RSRC1: variants seen among roughly 807,000 people sequenced by gnomAD.
The protein encoded by RSRC1 is arginine and serine rich coiled-coil 1.
In RSRC1, 39 loss-of-function variants were observed where a neutral mutation model predicts 49.1. The ratio of observed to expected loss-of-function variants is 0.79; its 90% CI spans 0.61 to 1.04. The LOEUF is 1.04. Among genes scored for constraint, RSRC1 ranks in the 50% least tolerant of loss-of-function variants. The pLI is 0.00. For synonymous variants in RSRC1, 143 were observed against 130.8 expected (o/e 1.09, Z -0.63); for missense variants, 388 against 402.4 (o/e 0.96, Z 0.31).
At chr3:158,392,911 A>G (rs2108296500) in intron 6 of RSRC1, among the ~76,000 whole-genome samples, 1 of 152,214 alleles carries the variant, frequency 6.6e-6, no homozygotes, top group South Asian at 2.1e-4. Context: ...ATACTCTAAA[A>G]TTGACCAGTC....
At chr3:158,183,982 G>T (rs567328684) in intron 3 of RSRC1, among the ~76,000 whole-genome samples, 1 of 151,926 alleles carries the variant, frequency 6.6e-6, no homozygotes, top group Non-Finnish European at 1.5e-5. Flanking sequence ...ACTGGGGTGG[G>T]GTTTCGCTTT....
chr3:158,449,498 G>GA (rs1338927255), intron 6 of RSRC1, among the ~76,000 whole-genome samples: 1 of 151,926 alleles, frequency 6.6e-6, no homozygotes, highest in African/African-American at 2.4e-5. Flanking sequence ...CTCCATGAGG[G>GA]AGGATTCTGT....
rs142832602 is a variant in RSRC1, at chr3:158,162,284, G to A, written c.320+38293G>A. On this transcript the variant is annotated intron_variant, in intron 3 of 9. Coordinates refer to ENST00000611884, the MANE Select transcript of RSRC1 (RefSeq NM_001271838.2). ...TGGAGACTAAATGACATCAACTGAC[G>A]CTGTACTGAGCTCTGGAAGTCTTTT... 3.0e-4 allele frequency among the ~76,000 whole-genome samples: 45 copies of A among 152,202 alleles called. 2 individuals are homozygous for A. In the East Asian group the frequency reaches 3.1e-3, roughly 10 times the overall value.
intron 3 of RSRC1, among the ~76,000 whole-genome samples, chr3:158,195,910 A>G (rs1720576208): frequency 6.6e-6 from 1 of 151,862 alleles, no homozygotes. Flanking sequence ...GCCTTGTAGT[A>G]TAGTTTGAAG....
At chr3:158,418,797 A>G (rs141098213) in intron 6 of RSRC1, among the ~76,000 whole-genome samples, 1 of 152,102 alleles carries the variant, frequency 6.6e-6, no homozygotes, top group East Asian at 1.9e-4. Context: ...CTGTAGTGCT[A>G]GAAAATTCTT....
At chr3:158,464,892 G>T (rs562997505) in intron 7 of RSRC1, among the ~76,000 whole-genome samples, 4 of 152,130 alleles carry the variant, frequency 2.6e-5, no homozygotes, top group Non-Finnish European at 5.9e-5. Flanking sequence ...ATACAAACCC[G>T]GGCAGTCAGA....
chr3:158,495,056 C>T (rs1739258872), intron 7 of RSRC1, among the ~76,000 whole-genome samples: 1 of 152,156 alleles, frequency 6.6e-6, no homozygotes, highest in Non-Finnish European at 1.5e-5. Flanking sequence ...CCACCAGCAT[C>T]ACCACAGATG....
intron 3 of RSRC1, among the ~76,000 whole-genome samples, chr3:158,171,346 A>G (rs1330813993): frequency 1.3e-5 from 2 of 152,212 alleles, no homozygotes; most frequent in African/African-American, 2.4e-5. Context: ...GGTACTTAGC[A>G]TACAAATAAG....
In RSRC1 at chr3:158,400,297, A is replaced by G. The variant is rs531553604; in HGVS notation, c.583+45389A>G. On this transcript the variant is annotated intron_variant, in intron 6 of 9. Transcript: ENST00000611884. ...AAACTTCCTGCAGTGCCAGTTGTAT[A>G]TAAATATAGCACATATAATTATAGA... Among the ~76,000 whole-genome samples, 17 of 152,266 alleles carry G rather than the reference A, an allele frequency of 1.1e-4. No homozygotes were observed. In the South Asian group the frequency reaches 2.9e-3, roughly 26 times the overall value.
intron 6 of RSRC1, among the ~76,000 whole-genome samples, chr3:158,363,340 C>G (rs1731583857): frequency 6.6e-6 from 1 of 151,460 alleles, no homozygotes; most frequent in African/African-American, 2.4e-5. Flanking sequence ...CTCGGCTCAC[C>G]ACGTCCTCTG....
chr3:158,480,796 A>T (rs1167184730), intron 7 of RSRC1, among the ~76,000 whole-genome samples: 1 of 152,090 alleles, frequency 6.6e-6, no homozygotes, highest in Admixed American at 6.6e-5. Flanking sequence ...ATTACAGAGC[A>T]TCACTGGCAT....
At chr3:158,515,497 G>C (rs1290997347) in intron 7 of RSRC1, among the ~76,000 whole-genome samples, 3 of 136,806 alleles carry the variant, frequency 2.2e-5, no homozygotes, top group African/African-American at 8.6e-5. Context: ...TCCCTTTGAG[G>C]GTAACCCGAC....
chr3:158,161,475 G>C (rs1718213630), intron 3 of RSRC1, among the ~76,000 whole-genome samples: 1 of 152,066 alleles, frequency 6.6e-6, no homozygotes, highest in Non-Finnish European at 1.5e-5. Flanking sequence ...AATTTTAAAT[G>C]TGTGGGGCAG....
At chr3:158,248,116 C>T (rs76277491) in intron 4 of RSRC1, among the ~76,000 whole-genome samples, 3,266 of 152,274 alleles carry the variant, frequency 0.021, 121 homozygotes, top group African/African-American at 0.075. Flanking sequence ...TGGCACCCTC[C>T]TTCACAGGCA....
chr3:158,513,988 G>A (rs775078528), intron 7 of RSRC1, among the ~76,000 whole-genome samples: 55 of 152,018 alleles, frequency 3.6e-4, no homozygotes, highest in African/African-American at 1.1e-3. Context: ...TTTTTATTGC[G>A]TCTATTTGAT....
chr3:158,448,377 G>C (rs1041966687), intron 6 of RSRC1, among the ~76,000 whole-genome samples: 3 of 151,648 alleles, frequency 2.0e-5, no homozygotes, highest in Admixed American at 2.0e-4. Context: ...AGTTTATTCA[G>C]GTTATAAAAA....
intron 4 of RSRC1, among the ~76,000 whole-genome samples, chr3:158,255,246 G>T (rs1724471187): frequency 6.6e-6 from 1 of 152,094 alleles, no homozygotes; most frequent in Non-Finnish European, 1.5e-5. Context: ...TTTGTATAAG[G>T]TGTAAGGAAG....
intron 4 of RSRC1, among the ~76,000 whole-genome samples, chr3:158,216,708 G>A (rs904022182): frequency 6.6e-6 from 1 of 151,654 alleles, no homozygotes; most frequent in Admixed American, 6.6e-5. Flanking sequence ...ACCATTACTA[G>A]AATGGGAATT....
Position 158,444,307 on chromosome 3 carries a change from G to A in RSRC1, c.584-16628G>A, listed in dbSNP as rs1465094480. The stretch of plus-strand genomic sequence containing the variant: ...ACAGCAAGGTACTGGCACCAAAACA[G>A]AGATATAGACCAATGGAACAGAACA... On this transcript the variant is annotated intron_variant, in intron 6 of 9. Coordinates refer to ENST00000611884, the MANE Select transcript of RSRC1 (RefSeq NM_001271838.2). Among the ~76,000 whole-genome samples the A allele has an allele frequency of 3.9e-5, 6 of 152,080 alleles. 1 individual carries two copies. In the Middle Eastern group the frequency reaches 9.5e-3, roughly 241 times the overall value.
Sources: allele counts gnomAD v4.1 joint callset (sites outside exome capture counted in the v4.1 genomes callset), GRCh38; gene constraint gnomAD v4.1.1; transcripts MANE v1.5; gene names NCBI Gene and HGNC (gene_info 2026-07-23, HGNC 2026-07-21).